Variants in IL17RA observed in about 807,000 individuals in gnomAD.
IL17RA encodes the protein interleukin-17 receptor A.
A neutral mutation model predicts 50.4 loss-of-function variants in IL17RA; 34 were observed. The ratio of observed to expected loss-of-function variants is 0.67; its 90% confidence interval spans 0.51 to 0.90. The LOEUF is 0.90. IL17RA is among the 40% of genes least tolerant of loss of function. The pLI, the probability that IL17RA is intolerant of heterozygous loss-of-function variation, is 0.00. For missense variants in IL17RA, 1,276 were observed against 1,169.8 expected, an observed-to-expected ratio of 1.09 and a Z score of -1.32; for synonymous variants, 585 against 510.4, an observed-to-expected ratio of 1.15 and a Z score of -1.97.
chr22:17,110,904 C>T lies in IL17RA; in HGVS notation c.*1084C>T, dbSNP rs1405285284. Reference sequence around the variant, plus strand: ...GCATGCACGGGAAAGGCACCCAGGTCAGGGGGGATCCCCGAGGAGATGCCT... The same window carrying T: ...GCATGCACGGGAAAGGCACCCAGGTTAGGGGGGATCCCCGAGGAGATGCCT... On this transcript the variant is annotated 3_prime_UTR_variant, in exon 13 of 13. Coordinates refer to ENST00000319363, the MANE Select transcript of IL17RA (RefSeq NM_014339.7). 1 of 152,376 alleles carries T rather than the reference C, an allele frequency of 6.6e-6. No individual in the cohort carries two copies. The highest frequency in any genetic ancestry group is 1.5e-5 in the Non-Finnish European group (1 of 68,186). 9.4% of individuals were successfully genotyped at this position (152,376 alleles called of 1,614,324 possible).
intron 4 of IL17RA, 71 bp from the exon 5 acceptor site, chr22:17,100,284 G>C (rs752146524): frequency 5.3e-5 from 85 of 1,588,832 alleles, no homozygotes; most frequent in Non-Finnish European, 6.9e-5. Context: ...TGGGAACGGG[G>C]GTCTTTGGGC....
intron 5 of IL17RA, among the ~76,000 whole-genome samples, chr22:17,101,107 G>A (rs1464776332): frequency 6.6e-6 from 1 of 152,092 alleles, no homozygotes; most frequent in African/African-American, 2.4e-5. Flanking sequence ...AGGCTATAGT[G>A]CAATTTTGCT....
rs887034110 is a variant in IL17RA at position 17,107,620 on chromosome 22, GC to G, written c.1046-102del. On this transcript the variant is annotated intron_variant, in intron 11 of 12. Coordinates refer to ENST00000319363, the MANE Select transcript of IL17RA (RefSeq NM_014339.7). ...GGCCTCGCTGCTCAGTCTCGGGGCTGCCCCCTTACCCTTCACCCTTTGTCAG... is the reference window on the plus strand; with the variant it reads ...GGCCTCGCTGCTCAGTCTCGGGGCTGCCCCTTACCCTTCACCCTTTGTCAG... 14 of 956,436 alleles carry G rather than the reference GC, an allele frequency of 1.5e-5. No individual in the cohort carries two copies. In the African/African-American group the frequency reaches 2.1e-4, roughly 14 times the overall value. The allele number at this position is 956,436 out of a possible 1,614,324, so 59.2% of individuals were successfully genotyped here. A position where few individuals can be genotyped will look rare whatever the true frequency, so the allele number is the denominator to read the frequency against.
chr22:17,109,877 C>T lies in IL17RA; in HGVS notation c.*57C>T, dbSNP rs1156761436. 8 of 1,453,268 alleles carry T rather than the reference C, an allele frequency of 5.5e-6. No homozygotes were observed. The African/African-American group carries it at 5.6e-5, about 10-fold the overall frequency. 90.0% of individuals were successfully genotyped at this position (1,453,268 alleles called of 1,614,324 possible). ...GCTTTGAGAGAGGAGTGTGTGTGCA[C>T]GTATTCATCTGTGTGTACATGTCTG... is the stretch of plus-strand genomic sequence containing the variant. On this transcript the variant is annotated 3_prime_UTR_variant, in exon 13 of 13. Coordinates refer to ENST00000319363, the MANE Select transcript of IL17RA (RefSeq NM_014339.7).
chr22:17,100,020 C>T (rs771755119), intron 4 of IL17RA, among the ~76,000 whole-genome samples: 5 of 152,184 alleles, frequency 3.3e-5, no homozygotes, highest in Middle Eastern at 3.4e-3. Context: ...CCCCTGGCTC[C>T]GCCCTCTCAT....
chr22:17,094,649 TACAC>T (rs373099305), intron 1 of IL17RA, among the ~76,000 whole-genome samples: 15,480 of 51,076 alleles, frequency 0.3, 4,239 homozygotes, highest in Middle Eastern at 0.41. Context: ...CATTTAGTCA[TACAC>T]ACACTCTCTC....
chr22:17,112,948 T>C lies in IL17RA; in HGVS notation c.*3128T>C, dbSNP rs991294798. 6 of 151,474 alleles carry C rather than the reference T, an allele frequency of 4.0e-5. No individual in the cohort carries two copies. Among genetic ancestry groups the C allele is most frequent in the Admixed American group, 6.6e-5 (1 of 15,178 alleles). 9.4% of individuals were successfully genotyped at this position (151,474 alleles called of 1,614,324 possible). On this transcript the variant is annotated 3_prime_UTR_variant, in exon 13 of 13. Transcript: ENST00000319363. Reference sequence around the variant, plus strand: ...CACCAACAAGCTCCCAACTCCCGCGTAGAGTTTCATGACTTTTTCCTGCCT... The same window carrying C: ...CACCAACAAGCTCCCAACTCCCGCGCAGAGTTTCATGACTTTTTCCTGCCT...
chr22:17,103,744 A>G lies in IL17RA; in HGVS notation c.846+167A>G, dbSNP rs558190706. 5.4e-4 allele frequency among the ~76,000 whole-genome samples: 70 copies of G among 128,642 alleles called. 1 individual carries two copies. In the South Asian group the frequency reaches 0.016, roughly 29 times the overall value. The allele number at this position is 128,642 out of a possible 152,430, so 84.4% of individuals were successfully genotyped here. On this transcript the variant is annotated intron_variant, in intron 8 of 12. Transcript: ENST00000319363. ...GGGAGTGGGGAGCGTGCACAGGTGG[A>G]GAGTGTGGTGTGTCTGGGAGTGGGG...
chr22:17,108,027 C>T (rs566871794), intron 12 of IL17RA, among the ~76,000 whole-genome samples: 2 of 152,332 alleles, frequency 1.3e-5, no homozygotes, highest in Admixed American at 6.5e-5. Flanking sequence ...ACCAACAGAG[C>T]TTGGTGCCTC....
At position 17,105,722 on chromosome 22, in the gene IL17RA, G is replaced by GGC. The variant is rs1035266246; in HGVS notation, c.943+121_943+122insCG. The GGC allele has an allele frequency of 2.2e-6, 3 of 1,387,192 alleles. No individual in the cohort carries two copies. The African/African-American group carries it at 4.4e-5, about 20-fold the overall frequency. The allele number at this position is 1,387,192 out of a possible 1,614,324, so 85.9% of individuals were successfully genotyped here. A position where few individuals can be genotyped will look rare whatever the true frequency, so the allele number is the denominator to read the frequency against. On this transcript the variant is annotated intron_variant, in intron 10 of 12. Transcript: ENST00000319363. ...GCTGAACCGAGGCCAGCCCGGGGTG[G>GGC]GGGGTGAGACCATGGTTTGTCGTGG... is the stretch of plus-strand genomic sequence containing the variant.
Position 17,115,425 on chromosome 22 carries a change from G to A in IL17RA, c.*5605G>A, listed in dbSNP as rs1365708368. ...TGATGGCCAAAGCCACAGCTAACGAGAGGCAGAGAGAGCTCAGGCTCCCAG... is the reference window on the plus strand; with the variant it reads ...TGATGGCCAAAGCCACAGCTAACGAAAGGCAGAGAGAGCTCAGGCTCCCAG... On this transcript the variant is annotated 3_prime_UTR_variant, in exon 13 of 13. Coordinates refer to ENST00000319363, the MANE Select transcript of IL17RA (RefSeq NM_014339.7). The A allele has an allele frequency of 6.6e-6, 1 of 152,196 alleles. No individual in the cohort carries two copies. Among genetic ancestry groups the A allele is most frequent in the Non-Finnish European group, 1.5e-5 (1 of 68,052 alleles). 9.4% of individuals were successfully genotyped at this position (152,196 alleles called of 1,614,324 possible).
At chr22:17,091,511 C>T (rs1462961608) in intron 1 of IL17RA, among the ~76,000 whole-genome samples, 2 of 148,622 alleles carry the variant, frequency 1.3e-5, no homozygotes, top group African/African-American at 2.5e-5. Context: ...CCCGTCTCTA[C>T]TAAAAATACA....
intron 11 of IL17RA, among the ~76,000 whole-genome samples, chr22:17,106,547 T>TA (rs2061415533): frequency 6.6e-6 from 1 of 152,186 alleles, no homozygotes. Flanking sequence ...GATTAGTACA[T>TA]ACCAGTGTCT....
intron 2 of IL17RA, 34 bp downstream of exon 2, chr22:17,097,120 CCTT>C: frequency 6.2e-7 from 1 of 1,601,398 alleles, no homozygotes; most frequent in Non-Finnish European, 8.6e-7. Context: ...CTTCTTGTTG[CCTT>C]CTTAATCAAG....
Position 17,109,287 on chromosome 22 carries a change from G to T in IL17RA, c.2068G>T (p.Ala690Ser). ...AVEPGPLADG[A>S]AVRLALAGEG... ...GGAGCCTGGGCCCCTGGCTGACGGT[G>T]CCGCAGTCCGGCTGGCACTGGCGGG... is the stretch of plus-strand genomic sequence containing the variant. The change falls in exon 13 of 13, where the codon GCC becomes TCC. Residue 690 changes from alanine to serine, a missense_variant. Physicochemically the swap from Ala to Ser is moderately conservative, Grantham distance 99. Transcript: ENST00000319363. 6.6e-7 allele frequency: 1 copy of T among 1,522,230 alleles called. No individual in the cohort carries two copies. Among genetic ancestry groups the T allele is most frequent in the South Asian group, 1.2e-5 (1 of 81,814 alleles). 94.3% of individuals were successfully genotyped at this position (1,522,230 alleles called of 1,614,324 possible). A position where few individuals can be genotyped will look rare whatever the true frequency, so the allele number is the denominator to read the frequency against.
At chr22:17,089,047 C>T (rs41382048) in intron 1 of IL17RA, among the ~76,000 whole-genome samples, 1,961 of 152,198 alleles carry the variant, frequency 0.013, 42 homozygotes, top group African/African-American at 0.045. Flanking sequence ...CTACCTGCCT[C>T]GGCCTCCCAA....
rs887796 is a variant in IL17RA, at chr22:17,112,795, G to A, written c.*2975G>A. On this transcript the variant is annotated 3_prime_UTR_variant, in exon 13 of 13. Transcript: ENST00000319363. ...CCAAGAAATGTCTCTCTAAGAACAG[G>A]TGCCCTCCACGCTGTGCCCCTCCCA... 0.83 allele frequency: 126,924 copies of A among 152,116 alleles called. 53,020 individuals are homozygous for A. Among genetic ancestry groups the A allele is most frequent in the African/African-American group, 0.86 (35,768 of 41,518 alleles). The allele number at this position is 152,116 out of a possible 1,614,324, so 9.4% of individuals were successfully genotyped here.
chr22:17,088,773 C>T (rs538508715), intron 1 of IL17RA, among the ~76,000 whole-genome samples: 46 of 151,668 alleles, frequency 3.0e-4, no homozygotes, highest in South Asian at 8.3e-4. Flanking sequence ...CAGGTGTGAG[C>T]CACCGCACCT....
In IL17RA at chr22:17,108,943, G is replaced by T; in HGVS notation, c.1724G>T (p.Arg575Leu). Residue 575 changes from arginine (R) to leucine (L), a missense_variant, in exon 13 of 13, where the codon CGG becomes CTG. Coordinates refer to ENST00000319363, the MANE Select transcript of IL17RA (RefSeq NM_014339.7). Reference protein sequence around the residue: ...RQLRAALDRFRDWQVRCPDWF... With the variant: ...RQLRAALDRFLDWQVRCPDWF... ...CTCCGCGCCGCCCTGGACAGGTTCC[G>T]GGACTGGCAGGTCCGCTGTCCCGAC... The T allele has an allele frequency of 1.2e-6, 2 of 1,609,006 alleles. No homozygotes were observed. Among genetic ancestry groups the T allele is most frequent in the African/African-American group, 1.3e-5 (1 of 75,010 alleles).
Sources: gnomAD v4.1 joint callset for allele counts (sites outside exome capture counted in the v4.1 genomes callset) on GRCh38, gnomAD v4.1.1 for gene constraint, MANE v1.5 for transcripts, NCBI Gene and HGNC (gene_info 2026-07-23, HGNC 2026-07-21) for gene names.